Variants in SMYD3 observed in about 807,000 individuals in gnomAD.
The protein encoded by SMYD3 is histone-lysine N-methyltransferase SMYD3.
Under a neutral mutation model 57.7 loss-of-function variants are expected in SMYD3, and 36 were observed. The ratio of observed to expected loss-of-function variants is 0.62; its 90% CI spans 0.48 to 0.82. SMYD3 has a LOEUF of 0.82. SMYD3 is among the 40% of genes least tolerant of loss of function. The pLI, the probability that SMYD3 is intolerant of heterozygous loss-of-function variation, is 0.00. For synonymous variants in SMYD3, 211 were observed against 195.0 expected (o/e 1.08, Z -0.68); for missense variants, 515 against 538.8 (o/e 0.96, Z 0.44).
chr1:246,119,416 T>C (rs1292641824), intron 5 of SMYD3, among the ~76,000 whole-genome samples: 2 of 110,324 alleles, frequency 1.8e-5, no homozygotes, highest in East Asian at 2.7e-4. Context: ...GTTCTTTCTT[T>C]TTTTTTTTTT....
intron 5 of SMYD3, among the ~76,000 whole-genome samples, chr1:246,211,637 G>C (rs1488460330): frequency 6.6e-6 from 1 of 152,078 alleles, no homozygotes; most frequent in Non-Finnish European, 1.5e-5. Flanking sequence ...ATAAAAGGGG[G>C]AAGAGGTAGT....
At chr1:245,953,366 TA>T (rs2147953347) in intron 5 of SMYD3, 1 of 981,698 alleles carries the variant, frequency 1.0e-6, no homozygotes, top group South Asian at 4.8e-5. Flanking sequence ...CTGAAAAAAA[TA>T]AAAAGTGAGA....
chr1:245,946,043 G>A (rs922584843), intron 5 of SMYD3, among the ~76,000 whole-genome samples: 38 of 152,198 alleles, frequency 2.5e-4, no homozygotes, highest in African/African-American at 8.4e-4. Flanking sequence ...TGGGGTGATA[G>A]CTGCAGCAAA....
intron 5 of SMYD3, among the ~76,000 whole-genome samples, chr1:245,952,237 T>G (rs913784860): frequency 6.6e-6 from 1 of 152,010 alleles, no homozygotes; most frequent in African/African-American, 2.4e-5. Context: ...AACCAAAGCA[T>G]TATCAATAAA....
intron 5 of SMYD3, among the ~76,000 whole-genome samples, chr1:246,059,874 T>C (rs1040263010): frequency 6.6e-6 from 1 of 152,172 alleles, no homozygotes; most frequent in African/African-American, 2.4e-5. Context: ...AGTAGGCATT[T>C]AAGCATTAAT....
chr1:246,359,295 A>G (rs2065953780), intron 1 of SMYD3, among the ~76,000 whole-genome samples: 1 of 152,130 alleles, frequency 6.6e-6, no homozygotes, highest in African/African-American at 2.4e-5. Context: ...ACCAATAACA[A>G]GCAGCAAGAC....
chr1:245,846,722 T>C (rs1264148171), intron 10 of SMYD3, among the ~76,000 whole-genome samples: 1 of 152,174 alleles, frequency 6.6e-6, no homozygotes, highest in East Asian at 1.9e-4. Flanking sequence ...TACTTTTCAG[T>C]TAAAGAAAGT....
intron 6 of SMYD3, among the ~76,000 whole-genome samples, 186 bp from the exon 7 acceptor site, chr1:245,928,219 G>A (rs1224866958): frequency 6.6e-6 from 1 of 152,042 alleles, no homozygotes; most frequent in African/African-American, 2.4e-5. Flanking sequence ...CCCACGAAGT[G>A]CAATTCTCCT....
At chr1:246,070,287 A>G (rs1418720408) in intron 5 of SMYD3, among the ~76,000 whole-genome samples, 1 of 152,170 alleles carries the variant, frequency 6.6e-6, no homozygotes, top group Non-Finnish European at 1.5e-5. Context: ...AAATGCCACA[A>G]GTGAGTTTAA....
At chr1:246,335,232 C>G in intron 3 of SMYD3, 135 bp downstream of exon 3, 1 of 750,476 alleles carries the variant, frequency 1.3e-6, no homozygotes, top group Non-Finnish European at 2.1e-6. Flanking sequence ...TTGTGAGACT[C>G]ATTTTATTGC....
intron 11 of SMYD3, among the ~76,000 whole-genome samples, chr1:245,752,103 C>G (rs1051037964): frequency 6.6e-6 from 1 of 152,246 alleles, no homozygotes; most frequent in South Asian, 2.1e-4. Context: ...GAGAAGGTTT[C>G]TCAGATCAGA....
At chr1:246,375,041 C>T (rs542921113) in intron 1 of SMYD3, among the ~76,000 whole-genome samples, 16 of 152,144 alleles carry the variant, frequency 1.1e-4, no homozygotes, top group Admixed American at 1.0e-3. Flanking sequence ...TGCAGTGAGC[C>T]GAGATCGCGC....
chr1:246,471,033 T>G (rs2067954877), intron 1 of SMYD3, among the ~76,000 whole-genome samples: 1 of 151,970 alleles, frequency 6.6e-6, no homozygotes, highest in Non-Finnish European at 1.5e-5. Flanking sequence ...AATAAATAAA[T>G]ATGATAAAGC....
chr1:246,046,242 T>C (rs2059961174), intron 5 of SMYD3, among the ~76,000 whole-genome samples: 1 of 152,086 alleles, frequency 6.6e-6, no homozygotes, highest in Non-Finnish European at 1.5e-5. Flanking sequence ...CCATCAATGA[T>C]AGACTAGATT....
At chr1:246,133,883 T>A (rs1043386255) in intron 5 of SMYD3, among the ~76,000 whole-genome samples, 1 of 152,162 alleles carries the variant, frequency 6.6e-6, no homozygotes, top group African/African-American at 2.4e-5. Flanking sequence ...ATAATTAAAA[T>A]TATACCCTAA....
intron 5 of SMYD3, among the ~76,000 whole-genome samples, chr1:246,230,410 T>C (rs1196053818): frequency 6.6e-6 from 1 of 152,022 alleles, no homozygotes; most frequent in Admixed American, 6.6e-5. Flanking sequence ...AAGAAGTACA[T>C]AGGAAATGAC....
chr1:246,446,647 G>T (rs1027954111), intron 1 of SMYD3, among the ~76,000 whole-genome samples: 2 of 152,170 alleles, frequency 1.3e-5, no homozygotes, highest in Non-Finnish European at 2.9e-5. Context: ...ACCATATGGG[G>T]ATGAATTTTA....
chr1:245,871,835 C>A (rs1389276310), intron 8 of SMYD3, among the ~76,000 whole-genome samples: 4 of 152,184 alleles, frequency 2.6e-5, no homozygotes, highest in South Asian at 2.1e-4. Flanking sequence ...AATCCCCACC[C>A]TACAGGGCGG....
chr1:246,220,414 G>A (rs1056766887), intron 5 of SMYD3, among the ~76,000 whole-genome samples: 3 of 151,272 alleles, frequency 2.0e-5, no homozygotes, highest in Non-Finnish European at 4.4e-5. Flanking sequence ...CCACGAAGCA[G>A]GTGGGAGCCC....
Sources: gnomAD v4.1 joint callset for allele counts (sites outside exome capture counted in the v4.1 genomes callset) on GRCh38, gnomAD v4.1.1 for gene constraint, MANE v1.5 for transcripts, NCBI Gene and HGNC (gene_info 2026-07-23, HGNC 2026-07-21) for gene names.